The following RNLS variants were observed in gnomAD, a reference collection of about 807,000 sequenced individuals.
The protein encoded by RNLS is renalase.
A neutral mutation model predicts 39.8 loss-of-function variants in RNLS; 39 were observed. The ratio of observed to expected loss-of-function variants is 0.98; its 90% CI spans 0.76 to 1.28. RNLS has a LOEUF of 1.28. RNLS is among the 50% of genes most tolerant of loss of function. The pLI is 0.00. For missense variants in RNLS, 410 were observed against 413.3 expected (o/e 0.99, Z 0.07); for synonymous variants, 147 against 150.7 (o/e 0.98, Z 0.18).
At chr10:88,456,082 T>C (rs1432534604) in intron 4 of RNLS, among the ~76,000 whole-genome samples, 1 of 152,098 alleles carries the variant, frequency 6.6e-6, no homozygotes, top group East Asian at 1.9e-4. Flanking sequence ...AAGAAAATAA[T>C]TTTGTCTTAC....
At chr10:88,341,072 C>CAAA (rs1463573978) in intron 5 of RNLS, among the ~76,000 whole-genome samples, 3 of 115,660 alleles carry the variant, frequency 2.6e-5, no homozygotes, top group South Asian at 2.8e-4. Context: ...AAAAAAAAAA[C>CAAA]AAAAAACAGC....
chr10:88,407,981 A>T (rs1853392714), intron 4 of RNLS, among the ~76,000 whole-genome samples: 1 of 152,014 alleles, frequency 6.6e-6, no homozygotes, highest in African/African-American at 2.4e-5. Context: ...ACTTGTCTTT[A>T]CCCCCACCTC....
chr10:88,434,869 T>C lies in RNLS; in HGVS notation c.527-72144A>G, dbSNP rs73360914. ...AATCTCTGCCTCTTCCCATACAAAA[T>C]TCCTTGAGTGATAGAAAAGGTATTA... On this transcript the variant is annotated intron_variant, in intron 4 of 6. Transcript: ENST00000331772. 8.6e-3 allele frequency among the ~76,000 whole-genome samples: 1,300 copies of C among 151,920 alleles called. 25 individuals are homozygous for C. The highest frequency in any genetic ancestry group is 0.03 in the African/African-American group (1,222 of 41,416).
Position 88,416,209 on chromosome 10 carries a change from AT to A in RNLS, c.527-53485del, listed in dbSNP as rs552276848. Among the ~76,000 whole-genome samples, 67 of 149,694 alleles carry A rather than the reference AT, an allele frequency of 4.5e-4. No homozygotes were observed. The South Asian group carries it at 8.7e-3, about 20-fold the overall frequency. ...TTTTTCTCTTTGTTCTATGAAAAAAATATATCTGAATTATATATATATATAT... is the reference window on the plus strand; with the variant it reads ...TTTTTCTCTTTGTTCTATGAAAAAAAATATCTGAATTATATATATATATAT... On this transcript the variant is annotated intron_variant, in intron 4 of 6. Transcript: ENST00000331772.
intron 4 of RNLS, among the ~76,000 whole-genome samples, chr10:88,461,346 G>A (rs919785856): frequency 6.6e-6 from 1 of 152,120 alleles, no homozygotes; most frequent in Non-Finnish European, 1.5e-5. Context: ...TCAAGTTGAG[G>A]TAAAAATGAA....
intron 4 of RNLS, among the ~76,000 whole-genome samples, chr10:88,418,179 TGC>T (rs1854156503): frequency 2.6e-5 from 4 of 152,082 alleles, no homozygotes; most frequent in Non-Finnish European, 5.9e-5. Flanking sequence ...ATTTTTTTAC[TGC>T]ATGCCTATAT....
chr10:88,437,751 C>T (rs1841490515), intron 4 of RNLS, among the ~76,000 whole-genome samples: 1 of 152,082 alleles, frequency 6.6e-6, no homozygotes, highest in Non-Finnish European at 1.5e-5. Context: ...TTATGAATGC[C>T]CCCAAGGTCC....
intron 4 of RNLS, among the ~76,000 whole-genome samples, chr10:88,533,612 G>A (rs1218066723): frequency 6.6e-6 from 1 of 152,072 alleles, no homozygotes; most frequent in East Asian, 1.9e-4. Context: ...TTTCAGTTGT[G>A]AGGATGGAGT....
chr10:88,503,908 G>A (rs1030597184), intron 4 of RNLS, among the ~76,000 whole-genome samples: 1 of 152,132 alleles, frequency 6.6e-6, no homozygotes, highest in Non-Finnish European at 1.5e-5. Context: ...GGGATAGGTG[G>A]ATGAATATGC....
At chr10:88,180,126 TG>T in the RNLS span, among the ~76,000 whole-genome samples, 4 of 152,294 alleles carry the variant, frequency 2.6e-5, no homozygotes, top group African/African-American at 9.6e-5. Flanking sequence ...TGTCTTTGGG[TG>T]GGGACAGCAA....
At chr10:88,427,671 A>G (rs1252790247) in intron 4 of RNLS, among the ~76,000 whole-genome samples, 2 of 152,036 alleles carry the variant, frequency 1.3e-5, no homozygotes, top group Non-Finnish European at 2.9e-5. Flanking sequence ...ATACAAATAA[A>G]GGAAAATGTA....
chr10:88,331,757 T>C (rs1199499852), intron 5 of RNLS, among the ~76,000 whole-genome samples: 1 of 152,182 alleles, frequency 6.6e-6, no homozygotes, highest in Non-Finnish European at 1.5e-5. Context: ...CATTTGGAAC[T>C]GGCTGGCTCA....
chr10:88,427,172 T>C (rs1449577555), intron 4 of RNLS, among the ~76,000 whole-genome samples: 1 of 152,034 alleles, frequency 6.6e-6, no homozygotes, highest in Non-Finnish European at 1.5e-5. Context: ...CAAGGACTAG[T>C]GCGTCTAATC....
rs11202749 is a variant in RNLS at position 88,450,597 on chromosome 10, G to A, written c.527-87872C>T. Among the ~76,000 whole-genome samples the A allele has an allele frequency of 3.9e-4, 59 of 152,142 alleles. No homozygotes were observed. In the East Asian group the frequency reaches 8.5e-3, roughly 22 times the overall value. The stretch of plus-strand genomic sequence containing the variant: ...ATAGTGGTACAGACCACATAAAACT[G>A]TCATTGGTCAGTGAGGAAAACGGGG... On this transcript the variant is annotated intron_variant, in intron 4 of 6. Transcript: ENST00000331772.
At chr10:88,571,046 C>T (rs1183325258) in intron 4 of RNLS, among the ~76,000 whole-genome samples, 5 of 149,950 alleles carry the variant, frequency 3.3e-5, no homozygotes, top group Non-Finnish European at 7.4e-5. Flanking sequence ...GGCAGTGGCA[C>T]AGTCAGGGCC....
intron 4 of RNLS, among the ~76,000 whole-genome samples, chr10:88,440,039 A>T (rs1841624047): frequency 6.6e-6 from 1 of 152,102 alleles, no homozygotes; most frequent in Admixed American, 6.5e-5. Flanking sequence ...TAGATTATAA[A>T]TTTTTTGAGG....
At chr10:88,229,433 G>C in the RNLS span, among the ~76,000 whole-genome samples, 1 of 152,156 alleles carries the variant, frequency 6.6e-6, no homozygotes, top group East Asian at 1.9e-4. Flanking sequence ...TTCTGTTTAA[G>C]AGTGGCAGAA....
intron 4 of RNLS, among the ~76,000 whole-genome samples, chr10:88,415,341 C>T (rs1184577205): frequency 6.6e-6 from 1 of 152,170 alleles, no homozygotes; most frequent in African/African-American, 2.4e-5. Flanking sequence ...AACTGGCATT[C>T]AAGAGTGCAT....
At chr10:88,455,700 C>T (rs1461784521) in intron 4 of RNLS, among the ~76,000 whole-genome samples, 2 of 152,150 alleles carry the variant, frequency 1.3e-5, no homozygotes, top group African/African-American at 4.8e-5. Flanking sequence ...GCCACCACGC[C>T]TGGCCTGTAA....
Sources: allele counts gnomAD v4.1 joint callset (sites outside exome capture counted in the v4.1 genomes callset), GRCh38; gene constraint gnomAD v4.1.1; transcripts MANE v1.5; gene names NCBI Gene and HGNC (gene_info 2026-07-23, HGNC 2026-07-21).